The following XCR1 variants were observed in gnomAD, a reference collection of about 807,000 sequenced individuals.
XCR1 encodes the protein X-C motif chemokine receptor 1, also known as chemokine XC receptor 1.
For missense variants in XCR1, 356 were observed against 424.2 expected (o/e 0.84, Z 1.41); for synonymous variants, 187 against 188.5 (o/e 0.99, Z 0.06).
intron 4 of XCR1, among the ~76,000 whole-genome samples, chr3:46,058,201 G>A (rs897730968): frequency 4.6e-5 from 7 of 152,174 alleles, no homozygotes; most frequent in Non-Finnish European, 8.8e-5. Flanking sequence ...GGAATGAGGT[G>A]GCAAAATATT....
intron 4 of XCR1, among the ~76,000 whole-genome samples, chr3:46,064,647 G>A (rs946614391): frequency 6.6e-6 from 1 of 152,152 alleles, no homozygotes; most frequent in African/African-American, 2.4e-5. Flanking sequence ...CACCACTTTC[G>A]AAGTGCGACA....
rs760463523 is a variant in XCR1, at chr3:46,021,061, G to T, written c.887C>A (p.Thr296Lys). The change falls in exon 2 of 2, where the codon ACA (threonine) becomes AAA (lysine). Residue 296 changes from threonine to lysine, a missense_variant. Coordinates refer to ENST00000309285, the MANE Select transcript of XCR1 (RefSeq NM_001024644.2). This position sits in a 1 kb window ranked among gnomAD's most constrained non-coding sequence, Gnocchi z 4.7. The part of the protein sequence containing the change: ...LYVFVGVKFR[T>K]HLKHVLRQFW... ...CTGCCGGAGAACATGTTTCAGGTGT[G>T]TGCGGAACTTGACCCCCACGAAGAC... 2.5e-6 allele frequency: 4 copies of T among 1,614,216 alleles called. No homozygotes were observed. Among genetic ancestry groups the T allele is most frequent in the Non-Finnish European group, 3.4e-6 (4 of 1,180,032 alleles).
intron 5 of XCR1, among the ~76,000 whole-genome samples, chr3:46,045,517 T>C (rs1697609682): frequency 6.6e-6 from 1 of 152,124 alleles, no homozygotes; most frequent in South Asian, 2.1e-4. Context: ...AGAGAAATCA[T>C]ATGATCATAT....
Position 46,020,937 on chromosome 3 carries a change from A to G in XCR1, c.*9T>C. On this transcript the variant is annotated 3_prime_UTR_variant, in exon 2 of 2. Coordinates refer to ENST00000309285, the MANE Select transcript of XCR1 (RefSeq NM_001024644.2). ...CACCTGCACCTGCGCCTGCACCGCC[A>G]CAGGCCCCTCAGTAGAAGGAGGCGC... The G allele has an allele frequency of 6.2e-7, 1 of 1,609,714 alleles. No homozygotes were observed. Among genetic ancestry groups the G allele is most frequent in the Non-Finnish European group, 8.5e-7 (1 of 1,177,788 alleles).
intron 1 of XCR1, among the ~76,000 whole-genome samples, chr3:46,085,159 A>C (rs1328872092): frequency 6.6e-6 from 1 of 151,590 alleles, no homozygotes; most frequent in African/African-American, 2.4e-5. Flanking sequence ...TAATCATGAT[A>C]GCTAATACAT....
Position 46,021,133 on chromosome 3 carries a change from C to T in XCR1, c.815G>A (p.Cys272Tyr), listed in dbSNP as rs760657911. ...KQQLEYALLI[C>Y]RNLAFSHCCF... ...GCAGTGGGAGAAGGCGAGGTTGCGG[C>T]AGATGAGCAGGGCGTATTCTAGCTG... Residue 272 changes from cysteine to tyrosine, a missense_variant, in exon 2 of 2, where the codon TGC becomes TAC. Coordinates refer to ENST00000309285, the MANE Select transcript of XCR1 (RefSeq NM_001024644.2). This position sits in a 1 kb window ranked among gnomAD's most constrained non-coding sequence, Gnocchi z 4.7. 6.2e-7 allele frequency: 1 copy of T among 1,614,228 alleles called. No individual in the cohort carries two copies. The highest frequency in any genetic ancestry group is 1.1e-5 in the South Asian group (1 of 91,090).
intron 4 of XCR1, among the ~76,000 whole-genome samples, chr3:46,058,436 A>G (rs1235491291): frequency 6.6e-6 from 1 of 152,178 alleles, no homozygotes; most frequent in Non-Finnish European, 1.5e-5. Context: ...CCTTAAAGAA[A>G]CCCTGTCTCT....
intron 1 of XCR1, among the ~76,000 whole-genome samples, chr3:46,082,578 A>T (rs1468639457): frequency 1.4e-5 from 2 of 145,470 alleles, no homozygotes; most frequent in East Asian, 4.0e-4. Context: ...GCGGCCTCCA[A>T]CTCCTGGGCT....
At chr3:46,052,471 C>A (rs1697767022) in intron 5 of XCR1, among the ~76,000 whole-genome samples, 1 of 152,076 alleles carries the variant, frequency 6.6e-6, no homozygotes, top group African/African-American at 2.4e-5. Flanking sequence ...GTATTTTTTC[C>A]CCTGGGTGGG....
chr3:46,065,600 C>G (rs932902828), intron 4 of XCR1, among the ~76,000 whole-genome samples: 8 of 152,246 alleles, frequency 5.3e-5, no homozygotes, highest in African/African-American at 1.7e-4. Context: ...CCCAACCACA[C>G]ACAGCCCACT....
At chr3:46,034,063 C>T (rs1275702446) in intron 5 of XCR1, among the ~76,000 whole-genome samples, 1 of 152,136 alleles carries the variant, frequency 6.6e-6, no homozygotes, top group Admixed American at 6.5e-5. Context: ...ACCTCTGCCT[C>T]CTGGGTTCAA....
intron 4 of XCR1, among the ~76,000 whole-genome samples, chr3:46,057,673 A>G (rs1697876227): frequency 6.6e-6 from 1 of 152,148 alleles, no homozygotes; most frequent in African/African-American, 2.4e-5. Flanking sequence ...GATTCCTCCT[A>G]GAGTTGAAAG....
At chr3:46,083,277 T>C (rs138347885) in intron 1 of XCR1, among the ~76,000 whole-genome samples, 9 of 152,366 alleles carry the variant, frequency 5.9e-5, no homozygotes, top group African/African-American at 9.6e-5. Flanking sequence ...AGTGTACTTA[T>C]CTGTGCTCCA....
At chr3:46,023,585 A>T in intron 1 of XCR1, 1 of 1,397,626 alleles carries the variant, frequency 7.2e-7, no homozygotes. Context: ...GTAGCTGCCC[A>T]TCTTCAGGCA....
chr3:46,029,763 G>A (rs1006097288), upstream of XCR1, among the ~76,000 whole-genome samples: 15 of 152,178 alleles, frequency 9.9e-5, no homozygotes, highest in African/African-American at 3.6e-4. Flanking sequence ...GGGGAGTATT[G>A]CCGTTTTAAC....
At position 46,020,864 on chromosome 3, in the gene XCR1, T is replaced by C. The variant is rs1452151635; in HGVS notation, c.*82A>G. 2 of 1,514,484 alleles carry C rather than the reference T, an allele frequency of 1.3e-6. No individual in the cohort carries two copies. The highest frequency in any genetic ancestry group is 1.8e-6 in the Non-Finnish European group (2 of 1,133,442). The allele number at this position is 1,514,484 out of a possible 1,614,324, so 93.8% of individuals were successfully genotyped here. On this transcript the variant is annotated 3_prime_UTR_variant, in exon 2 of 2. Transcript: ENST00000309285. ...GTCTCCACCCTGCTGTGTTCTGCAA[T>C]GCTCCTTCCAGGCCCGCTTCTCCAT...
rs149422735 is a variant in XCR1, at chr3:46,033,463, G to C, written c.-31-11485C>G. On this transcript the variant is annotated intron_variant, in intron 5 of 5. Transcript: ENST00000683768. ...CCTTTATCCATTTAATTACCTATAC[G>C]TCTTTGACAAAAATCAGTTGACTAT... 1.6e-4 allele frequency among the ~76,000 whole-genome samples: 24 copies of C among 152,128 alleles called. 1 individual carries two copies. The East Asian group carries it at 4.2e-3, about 27-fold the overall frequency.
upstream of XCR1, among the ~76,000 whole-genome samples, chr3:46,030,551 G>A (rs113139653): frequency 3.3e-5 from 5 of 152,266 alleles, no homozygotes; most frequent in South Asian, 2.1e-4. Context: ...TTTTATACAC[G>A]ATATGTATTT....
At chr3:46,079,505 C>T (rs542221579) in intron 1 of XCR1, among the ~76,000 whole-genome samples, 2 of 152,240 alleles carry the variant, frequency 1.3e-5, no homozygotes, top group East Asian at 3.9e-4. Context: ...CCTTCCACTT[C>T]CAGCTGTTTC....
Sources: allele counts gnomAD v4.1 joint callset (sites outside exome capture counted in the v4.1 genomes callset), GRCh38; gene constraint gnomAD v4.1.1; non-coding constraint Gnocchi (gnomAD v3.1); transcripts MANE v1.5; gene names NCBI Gene and HGNC (gene_info 2026-07-23, HGNC 2026-07-21).